MSRA: variants seen among roughly 807,000 people sequenced by gnomAD.
MSRA encodes the protein mitochondrial peptide methionine sulfoxide reductase.
MSRA carries 54 observed loss-of-function variants against 31.3 expected under a neutral mutation model. The observed-to-expected ratio is 1.73, with a 90% confidence interval of 1.39 to 2.17. The LOEUF (loss-of-function observed/expected upper bound fraction) is 2.17. Ranked by LOEUF, MSRA falls within the 30% of genes most tolerant of loss-of-function variation. The pLI is 0.00. For missense variants in MSRA, 507 were observed against 300.9 expected (o/e 1.69, Z -5.07); for synonymous variants, 169 against 116.5 (o/e 1.45, Z -2.90).
intron 1 of MSRA, among the ~76,000 whole-genome samples, chr8:10,206,246 C>T (rs1808962803): frequency 6.6e-6 from 1 of 152,116 alleles, no homozygotes; most frequent in South Asian, 2.1e-4. Flanking sequence ...GTGGTCCTAA[C>T]CAGATCAGTG....
In MSRA at chr8:10,201,857, C is replaced by T. The variant is rs145649268; in HGVS notation, c.143-5976C>T. Among the ~76,000 whole-genome samples, 735 of 152,332 alleles carry T rather than the reference C, an allele frequency of 4.8e-3. 1 individual carries two copies. The highest frequency in any genetic ancestry group is 0.014 in the Middle Eastern group (4 of 294). The stretch of plus-strand genomic sequence containing the variant: ...CCTCATATCTTCTTGGTGGAGGACA[C>T]GTCACTGCCATCAGCAGAGGTTGTC... On this transcript the variant is annotated intron_variant, in intron 1 of 5. Coordinates refer to ENST00000317173, the MANE Select transcript of MSRA (RefSeq NM_012331.5).
At chr8:10,295,217 C>T (rs895412801) in intron 3 of MSRA, among the ~76,000 whole-genome samples, 4 of 152,102 alleles carry the variant, frequency 2.6e-5, no homozygotes, top group African/African-American at 4.8e-5. Context: ...TTCTCAGGGA[C>T]GCCTGCTCCT....
intron 5 of MSRA, among the ~76,000 whole-genome samples, chr8:10,400,464 T>A (rs1433114737): frequency 2.6e-5 from 4 of 151,972 alleles, no homozygotes; most frequent in Admixed American, 6.6e-5. Flanking sequence ...TGACTCCCCA[T>A]GTGACTGCTG....
chr8:10,130,906 C>T (rs181220857), intron 1 of MSRA, among the ~76,000 whole-genome samples: 1 of 152,292 alleles, frequency 6.6e-6, no homozygotes, highest in East Asian at 1.9e-4. Flanking sequence ...GCCACAGATG[C>T]TAAAGCCAGG....
At chr8:10,372,976 G>A (rs900374530) in intron 5 of MSRA, among the ~76,000 whole-genome samples, 3 of 152,202 alleles carry the variant, frequency 2.0e-5, no homozygotes, top group East Asian at 1.9e-4. Flanking sequence ...TGCAACCTCC[G>A]CCTCTGAGGT....
chr8:10,083,918 A>G (rs943277146), intron 1 of MSRA, among the ~76,000 whole-genome samples: 2 of 152,224 alleles, frequency 1.3e-5, no homozygotes, highest in Admixed American at 1.3e-4. Context: ...GAGTACTTTG[A>G]ATTTCAAAGA....
intron 1 of MSRA, among the ~76,000 whole-genome samples, chr8:10,174,211 T>A (rs1021168491): frequency 6.6e-6 from 1 of 151,912 alleles, no homozygotes; most frequent in South Asian, 2.1e-4. Context: ...TTGGTGAGGG[T>A]GTGGAGAGGT....
At chr8:10,082,165 A>G (rs814420) in intron 1 of MSRA, among the ~76,000 whole-genome samples, 46,153 of 152,022 alleles carry the variant, frequency 0.3, 8,390 homozygotes, top group African/African-American at 0.51. Flanking sequence ...TGATGGTGCC[A>G]CTATACTCCA....
intron 2 of MSRA, among the ~76,000 whole-genome samples, chr8:10,220,300 G>A (rs2129067060): frequency 6.6e-6 from 1 of 152,316 alleles, no homozygotes; most frequent in East Asian, 1.9e-4. Flanking sequence ...GCAGATGGAT[G>A]TCTTTCTGAT....
At chr8:10,060,589 T>A (rs1802657655) in intron 1 of MSRA, among the ~76,000 whole-genome samples, 1 of 152,204 alleles carries the variant, frequency 6.6e-6, no homozygotes, top group Non-Finnish European at 1.5e-5. Flanking sequence ...CTCGCTGTTT[T>A]TAGTCTAATT....
At chr8:10,228,724 T>A (rs981154918) in intron 2 of MSRA, among the ~76,000 whole-genome samples, 1 of 152,206 alleles carries the variant, frequency 6.6e-6, no homozygotes, top group African/African-American at 2.4e-5. Context: ...TTTGGGCAAG[T>A]GGCCTAACCT....
chr8:10,130,517 C>A (rs912722779), intron 1 of MSRA, among the ~76,000 whole-genome samples: 3 of 152,120 alleles, frequency 2.0e-5, no homozygotes, highest in African/African-American at 7.2e-5. Context: ...GATATTTTCC[C>A]CTCCGACATT....
At chr8:10,332,896 C>T (rs1802786971) in intron 5 of MSRA, among the ~76,000 whole-genome samples, 1 of 152,226 alleles carries the variant, frequency 6.6e-6, no homozygotes, top group African/African-American at 2.4e-5. Flanking sequence ...TATGACTGCC[C>T]TCTGCTGGCT....
At chr8:10,366,918 T>C (rs1805199514) in intron 5 of MSRA, among the ~76,000 whole-genome samples, 1 of 152,088 alleles carries the variant, frequency 6.6e-6, no homozygotes, top group Non-Finnish European at 1.5e-5. Context: ...CCTGAGGTCT[T>C]GTGATATTGT....
At chr8:10,252,582 G>C (rs1447664019) in intron 3 of MSRA, among the ~76,000 whole-genome samples, 1 of 152,164 alleles carries the variant, frequency 6.6e-6, no homozygotes, top group Non-Finnish European at 1.5e-5. Context: ...TCATTGAACT[G>C]GGGAGTGGTA....
At chr8:10,163,445 G>A (rs1168956132) in intron 1 of MSRA, among the ~76,000 whole-genome samples, 1 of 152,186 alleles carries the variant, frequency 6.6e-6, no homozygotes, top group African/African-American at 2.4e-5. Flanking sequence ...ATCAGCTGCC[G>A]CTGCTTGGCC....
At chr8:10,422,736 G>C (rs1404135122) in intron 5 of MSRA, among the ~76,000 whole-genome samples, 2 of 152,162 alleles carry the variant, frequency 1.3e-5, no homozygotes, top group Admixed American at 6.5e-5. Context: ...TACAGCCCTG[G>C]GGGTACCTGG....
chr8:10,351,127 G>C (rs1383823399), intron 5 of MSRA, among the ~76,000 whole-genome samples: 1 of 151,814 alleles, frequency 6.6e-6, no homozygotes, highest in Non-Finnish European at 1.5e-5. Context: ...TTCAGTGGAA[G>C]CTTGTTCCTC....
At chr8:10,292,104 G>A (rs1410219336) in intron 3 of MSRA, among the ~76,000 whole-genome samples, 1 of 152,192 alleles carries the variant, frequency 6.6e-6, no homozygotes, top group Non-Finnish European at 1.5e-5. Context: ...TCTCTGCATA[G>A]TAGCCACATC....
Sources: allele counts gnomAD v4.1 joint callset (sites outside exome capture counted in the v4.1 genomes callset), GRCh38; gene constraint gnomAD v4.1.1; transcripts MANE v1.5; gene names NCBI Gene and HGNC (gene_info 2026-07-23, HGNC 2026-07-21).